TPX2: variants seen among roughly 807,000 people sequenced by gnomAD.
TPX2 encodes the protein TPX2 microtubule nucleation factor.
In TPX2, 21 loss-of-function variants were observed where a neutral mutation model predicts 93.6. The ratio of observed to expected loss-of-function variants is 0.22; its 90% CI spans 0.16 to 0.32. The LOEUF is 0.32. Among genes scored for constraint, TPX2 ranks in the 10% least tolerant of loss-of-function variants. TPX2 has a pLI of 1.00. For synonymous variants in TPX2, 281 were observed against 298.3 expected, an observed-to-expected ratio of 0.94 and a Z score of 0.60; for missense variants, 776 against 871.1, an observed-to-expected ratio of 0.89 and a Z score of 1.37.
In TPX2 at chr20:31,782,300, C is replaced by T. The variant is rs1207482734; in HGVS notation, c.1106C>T (p.Thr369Ile). 2 of 1,614,018 alleles carry T rather than the reference C, an allele frequency of 1.2e-6. No individual in the cohort carries two copies. The highest frequency in any genetic ancestry group is 3.3e-5 in the Admixed American group (2 of 59,996). Residue 369 changes from threonine (T) to isoleucine (I), a missense_variant, in exon 11 of 18, where the codon ACT becomes ATT. Physicochemically the swap from Thr to Ile is moderately conservative, Grantham distance 89 (BLOSUM62 -1). Coordinates refer to ENST00000300403, the MANE Select transcript of TPX2 (RefSeq NM_012112.5). ...ACCAAGATTTGCAGAGACCCACAGA[C>T]TCCTGTACTGCAAACCAAACACCGT... is the stretch of plus-strand genomic sequence containing the variant. ...SVTKICRDPQ[T>I]PVLQTKHRAR...
chr20:31,792,131 G>A (rs544243069), intron 12 of TPX2, among the ~76,000 whole-genome samples: 23 of 152,306 alleles, frequency 1.5e-4, no homozygotes, highest in African/African-American at 4.6e-4. Flanking sequence ...GTTCACGTCC[G>A]TAATCCTCAC....
intron 2 of TPX2, among the ~76,000 whole-genome samples, chr20:31,755,190 C>T (rs890581204): frequency 3.3e-5 from 5 of 152,050 alleles, no homozygotes; most frequent in African/African-American, 1.2e-4. Flanking sequence ...CCTCGTGATC[C>T]ACCCGCCTTG....
chr20:31,747,195 A>G (rs941351872), intron 2 of TPX2, among the ~76,000 whole-genome samples: 5 of 152,124 alleles, frequency 3.3e-5, no homozygotes, highest in Non-Finnish European at 5.9e-5. Context: ...ATCTCGGCTC[A>G]CTGCAGCCTC....
Position 31,760,189 on chromosome 20 carries a change from C to A in TPX2, c.229+10C>A. 6.2e-7 allele frequency: 1 copy of A among 1,612,306 alleles called. No individual in the cohort carries two copies. Among genetic ancestry groups the A allele is most frequent in the Admixed American group, 1.7e-5 (1 of 59,622 alleles). On this transcript the variant is annotated intron_variant, in intron 4 of 17. Coordinates refer to ENST00000300403, the MANE Select transcript of TPX2 (RefSeq NM_012112.5). ...ACACCTTTGAAACCAGGTAAGAAAA[C>A]ATCTTAGAAAAAAGCTCCTTGATAG... is the stretch of plus-strand genomic sequence containing the variant.
intron 15 of TPX2, 51 bp from the exon 16 acceptor site, chr20:31,797,353 G>A (rs1435268995): frequency 6.6e-7 from 1 of 1,526,146 alleles, no homozygotes; most frequent in Non-Finnish European, 9.1e-7. Flanking sequence ...TTGAGGTAGT[G>A]GTCATAGAAA....
chr20:31,770,308 A>C, intron 5 of TPX2, 35 bp from the exon 6 acceptor site: 1 of 1,411,396 alleles, frequency 7.1e-7, no homozygotes, highest in East Asian at 2.6e-5. Flanking sequence ...TAGTATATAT[A>C]TTTATTATAT....
intron 3 of TPX2, among the ~76,000 whole-genome samples, chr20:31,758,647 C>T (rs1600362893): frequency 6.6e-6 from 1 of 152,304 alleles, no homozygotes; most frequent in East Asian, 1.9e-4. Flanking sequence ...GAGTCCATTG[C>T]AGCTGTACTT....
intron 4 of TPX2, among the ~76,000 whole-genome samples, chr20:31,765,232 A>T (rs2061917106): frequency 6.7e-6 from 1 of 148,718 alleles, no homozygotes; most frequent in African/African-American, 2.5e-5. Context: ...CCAAAATGAG[A>T]GGATTGATTG....
At chr20:31,764,226 G>A (rs977310738) in intron 4 of TPX2, among the ~76,000 whole-genome samples, 1 of 152,006 alleles carries the variant, frequency 6.6e-6, no homozygotes, top group African/African-American at 2.4e-5. Context: ...CTGGACTGCA[G>A]TGGAGCAATC....
At chr20:31,756,545 T>C (rs1457416825) in intron 2 of TPX2, among the ~76,000 whole-genome samples, 1 of 152,206 alleles carries the variant, frequency 6.6e-6, no homozygotes, top group Admixed American at 6.5e-5. Flanking sequence ...GTAAAACACC[T>C]AGCACAGTGT....
chr20:31,800,833 C>G, intron 17 of TPX2, 137 bp from the exon 18 acceptor site: 1 of 722,714 alleles, frequency 1.4e-6, no homozygotes, highest in Non-Finnish European at 2.4e-6. Flanking sequence ...CCCCCAGGCC[C>G]CACTCCCCAC....
intron 2 of TPX2, among the ~76,000 whole-genome samples, chr20:31,751,581 G>C (rs892698444): frequency 1.1e-4 from 17 of 152,160 alleles, no homozygotes; most frequent in African/African-American, 4.1e-4. Flanking sequence ...ACTTGAAGTA[G>C]CTTCTTATTT....
At chr20:31,749,518 G>A (rs769125190) in intron 2 of TPX2, among the ~76,000 whole-genome samples, 11 of 152,064 alleles carry the variant, frequency 7.2e-5, no homozygotes, top group Non-Finnish European at 1.5e-4. Flanking sequence ...GCTGTTGGCC[G>A]GGCACGGTGG....
In TPX2 at chr20:31,800,946, T is replaced by G. The variant is rs372336897; in HGVS notation, c.2134-24T>G. 31 of 1,575,900 alleles carry G rather than the reference T, an allele frequency of 2.0e-5. No individual in the cohort carries two copies. In the African/African-American group the frequency reaches 3.8e-4, roughly 19 times the overall value. On this transcript the variant is annotated intron_variant, in intron 17 of 17. Transcript: ENST00000300403. ...CGTAGTTCTCTGACATCCCTCTCAC[T>G]GGTAACTTTTCCTTACTTTGCAGGT...
intron 12 of TPX2, among the ~76,000 whole-genome samples, chr20:31,784,284 G>A (rs1210930354): frequency 6.6e-6 from 1 of 152,180 alleles, no homozygotes; most frequent in Non-Finnish European, 1.5e-5. Flanking sequence ...TGTTGCTATT[G>A]TTGTCATAAT....
At chr20:31,774,481 A>C (rs1186234256) in intron 7 of TPX2, among the ~76,000 whole-genome samples, 1 of 152,114 alleles carries the variant, frequency 6.6e-6, no homozygotes, top group Non-Finnish European at 1.5e-5. Context: ...TTCCTTACTA[A>C]GAATGGATAC....
chr20:31,801,137 C>G lies in TPX2; in HGVS notation c.*57C>G. 2 of 1,478,964 alleles carry G rather than the reference C, an allele frequency of 1.4e-6. No individual in the cohort carries two copies. Among genetic ancestry groups the G allele is most frequent in the Non-Finnish European group, 1.9e-6 (2 of 1,057,450 alleles). The allele number at this position is 1,478,964 out of a possible 1,614,324, so 91.6% of individuals were successfully genotyped here. ...AATGGGACCTGCTCTTAACCTCAAA[C>G]CTAGGACCGTCTTGCTTTGTCATTG... On this transcript the variant is annotated 3_prime_UTR_variant, in exon 18 of 18. Coordinates refer to ENST00000300403, the MANE Select transcript of TPX2 (RefSeq NM_012112.5).
chr20:31,749,070 C>G (rs543909178), intron 2 of TPX2, among the ~76,000 whole-genome samples: 2 of 151,818 alleles, frequency 1.3e-5, no homozygotes, highest in African/African-American at 4.8e-5. Flanking sequence ...CTCAGCCTCC[C>G]GAGTAGCTGG....
intron 4 of TPX2, among the ~76,000 whole-genome samples, chr20:31,760,932 TAAG>T (rs140765240): frequency 0.012 from 1,902 of 152,270 alleles, 35 homozygotes; most frequent in African/African-American, 0.044. Context: ...GGTTAGAACA[TAAG>T]AAGCATTCTT....
Sources: gnomAD v4.1 joint callset for allele counts (sites outside exome capture counted in the v4.1 genomes callset) on GRCh38, gnomAD v4.1.1 for gene constraint, MANE v1.5 for transcripts, NCBI Gene and HGNC (gene_info 2026-07-23, HGNC 2026-07-21) for gene names.